The following ZMIZ1 variants were observed in gnomAD, a reference collection of about 807,000 sequenced individuals.
ZMIZ1 encodes the protein zinc finger MIZ-type containing 1, also known as zinc finger MIZ domain-containing protein 1.
A neutral mutation model predicts 113.9 loss-of-function variants in ZMIZ1; 17 were observed. The ratio of observed to expected loss-of-function variants is 0.15; its 90% CI spans 0.10 to 0.22. The LOEUF (loss-of-function observed/expected upper bound fraction) is 0.22. Among genes scored for constraint, ZMIZ1 ranks in the 10% least tolerant of loss-of-function variants. The probability of loss-of-function intolerance (pLI) is 1.00; values close to 1 mark genes in which losing one functional copy is unlikely to be tolerated. For missense variants in ZMIZ1, 1,059 were observed against 1,477.8 expected, an observed-to-expected ratio of 0.72 and a Z score of 4.65; for synonymous variants, 607 against 603.1, an observed-to-expected ratio of 1.01 and a Z score of -0.09.
At chr10:79,309,129 C>G (rs544385494) in intron 23 of ZMIZ1, among the ~76,000 whole-genome samples, 4 of 152,338 alleles carry the variant, frequency 2.6e-5, no homozygotes, top group African/African-American at 9.6e-5. Context: ...GAGCCCAAGG[C>G]TGGGAGGCAC....
At position 79,201,580 on chromosome 10, in the gene ZMIZ1, G is replaced by T. The variant is rs369425699; in HGVS notation, c.-49-4G>T. ...CAGTGACAACCTCTCCTTTCTCTTC[G>T]CAGGCTGGACAACGTTCATGGCTCT... On this transcript the variant is annotated splice_polypyrimidine_tract_variant and splice_region_variant and intron_variant, in intron 4 of 24. Coordinates refer to ENST00000334512, the MANE Select transcript of ZMIZ1 (RefSeq NM_020338.4). 5.6e-6 allele frequency: 9 copies of T among 1,602,760 alleles called. No homozygotes were observed. The highest frequency in any genetic ancestry group is 7.7e-6 in the Non-Finnish European group (9 of 1,172,368).
At chr10:79,077,511 C>A (rs1213802506) in intron 1 of ZMIZ1, among the ~76,000 whole-genome samples, 1 of 151,850 alleles carries the variant, frequency 6.6e-6, no homozygotes, top group African/African-American at 2.4e-5. Context: ...TGGGGTTTTC[C>A]ATCGAAAAAT....
intron 2 of ZMIZ1, among the ~76,000 whole-genome samples, chr10:79,120,629 C>T (rs762276392): frequency 9.2e-5 from 14 of 152,208 alleles, no homozygotes; most frequent in African/African-American, 2.2e-4. Context: ...CGTCCCTGTC[C>T]GCCTCCTATA....
At chr10:79,254,714 C>A (rs1850770385) in intron 7 of ZMIZ1, among the ~76,000 whole-genome samples, 1 of 152,174 alleles carries the variant, frequency 6.6e-6, no homozygotes, top group Non-Finnish European at 1.5e-5. Flanking sequence ...TGAGGCAAAA[C>A]TGAGAAATTT....
chr10:79,134,074 AC>A (rs1404387341), intron 2 of ZMIZ1, among the ~76,000 whole-genome samples: 1 of 152,160 alleles, frequency 6.6e-6, no homozygotes, highest in African/African-American at 2.4e-5. Flanking sequence ...TCCCATTTGT[AC>A]CCCGGACACC....
At chr10:79,096,521 G>GAA (rs1843176141) in intron 1 of ZMIZ1, among the ~76,000 whole-genome samples, 1 of 145,470 alleles carries the variant, frequency 6.9e-6, no homozygotes, top group Non-Finnish European at 1.6e-5. Context: ...CAAAAGAAAA[G>GAA]AAAAGAAAAG....
intron 7 of ZMIZ1, among the ~76,000 whole-genome samples, chr10:79,276,067 C>G (rs1852269493): frequency 6.6e-6 from 1 of 152,218 alleles, no homozygotes; most frequent in Non-Finnish European, 1.5e-5. Flanking sequence ...AGTAGGACAT[C>G]AGCTGAGGTG....
intron 1 of ZMIZ1, among the ~76,000 whole-genome samples, chr10:79,081,539 C>G (rs147252976): frequency 2.1e-3 from 324 of 152,306 alleles, no homozygotes; most frequent in Non-Finnish European, 3.9e-3. Flanking sequence ...TCTTCCTAGC[C>G]TCTTGCAGCA....
intron 7 of ZMIZ1, among the ~76,000 whole-genome samples, chr10:79,245,835 C>T (rs1228932949): frequency 6.6e-6 from 1 of 151,910 alleles, no homozygotes; most frequent in Non-Finnish European, 1.5e-5. Context: ...ATCCTTGGCA[C>T]TAACCACATT....
At chr10:79,073,142 T>C (rs1242872990) in intron 1 of ZMIZ1, among the ~76,000 whole-genome samples, 3 of 152,152 alleles carry the variant, frequency 2.0e-5, no homozygotes, top group Admixed American at 6.5e-5. Flanking sequence ...GGCTGTTGCT[T>C]GCTATCTGTG....
Position 79,314,452 on chromosome 10 carries a change from A to G in ZMIZ1, c.*1703A>G, listed in dbSNP as rs1396473278. 4 of 346,202 alleles carry G rather than the reference A, an allele frequency of 1.2e-5. No individual in the cohort carries two copies. The Admixed American group carries it at 1.2e-4, about 10-fold the overall frequency. 21.4% of individuals were successfully genotyped at this position (346,202 alleles called of 1,614,324 possible). ...CAGACGGCACAAGGTTTTCTGTAGGAAAGCTGCCATTGCCCCGGCCCCTTT... is the reference window on the plus strand; with the variant it reads ...CAGACGGCACAAGGTTTTCTGTAGGGAAGCTGCCATTGCCCCGGCCCCTTT... On this transcript the variant is annotated 3_prime_UTR_variant, in exon 25 of 25. Transcript: ENST00000334512.
At chr10:79,184,126 T>C (rs1282575252) in intron 4 of ZMIZ1, among the ~76,000 whole-genome samples, 3 of 152,202 alleles carry the variant, frequency 2.0e-5, no homozygotes, top group East Asian at 1.9e-4. Flanking sequence ...CTCCGTGGCC[T>C]GTCTTCCTGT....
At chr10:79,140,948 G>A (rs1344772145) in intron 3 of ZMIZ1, among the ~76,000 whole-genome samples, 2 of 151,956 alleles carry the variant, frequency 1.3e-5, no homozygotes. Flanking sequence ...ACGCCCAGCT[G>A]ATTTTTAAAT....
Position 79,216,202 on chromosome 10 carries a change from G to T in ZMIZ1, c.208G>T (p.Asp70Tyr). The T allele has an allele frequency of 6.4e-7, 1 of 1,559,740 alleles. No individual in the cohort carries two copies. Among genetic ancestry groups the T allele is most frequent in the South Asian group, 1.2e-5 (1 of 84,230 alleles). ...TCGGGTGGCAGCCCAGCAAGGCTTT[G>T]ACCTGGACCTCGGCTACAGACTGCT... ...VSRVAAQQGF[D>Y]LDLGYRLLAV... Residue 70 changes from aspartate to tyrosine, a missense_variant, in exon 7 of 25, where the codon GAC (aspartate) becomes TAC (tyrosine). Around this residue, in one of 6 missense-constraint regions of ZMIZ1, gnomAD observed 272 missense variants for 350.4 expected, o/e 0.78. Coordinates refer to ENST00000334512, the MANE Select transcript of ZMIZ1 (RefSeq NM_020338.4).
intron 3 of ZMIZ1, among the ~76,000 whole-genome samples, chr10:79,161,768 C>G (rs1047455126): frequency 2.6e-5 from 4 of 152,224 alleles, no homozygotes; most frequent in Non-Finnish European, 5.9e-5. Context: ...TTTGTCATTG[C>G]ATCTCCCTGG....
intron 8 of ZMIZ1, among the ~76,000 whole-genome samples, chr10:79,285,039 C>G (rs963472179): frequency 1.3e-5 from 2 of 152,162 alleles, no homozygotes; most frequent in Non-Finnish European, 2.9e-5. Flanking sequence ...ATTCTTGTGG[C>G]TTCTAGGTGG....
chr10:79,077,179 TG>T (rs1842501435), intron 1 of ZMIZ1, among the ~76,000 whole-genome samples: 1 of 152,118 alleles, frequency 6.6e-6, no homozygotes, highest in Non-Finnish European at 1.5e-5. Flanking sequence ...GCCTGGACCT[TG>T]CCCTGTCCAC....
At chr10:79,225,802 G>T (rs2132756214) in intron 7 of ZMIZ1, among the ~76,000 whole-genome samples, 1 of 152,302 alleles carries the variant, frequency 6.6e-6, no homozygotes, top group East Asian at 1.9e-4. Context: ...AAGAAGTGCA[G>T]CTCTGAAGGA....
At chr10:79,268,805 C>T (rs969157664) in intron 7 of ZMIZ1, among the ~76,000 whole-genome samples, 1 of 152,230 alleles carries the variant, frequency 6.6e-6, no homozygotes, top group South Asian at 2.1e-4. Context: ...GGAAGAAGTC[C>T]TCTGACCGCG....
Sources: gnomAD v4.1 joint callset for allele counts (sites outside exome capture counted in the v4.1 genomes callset) on GRCh38, gnomAD v4.1.1 for gene constraint, gnomAD v4.1.1 regional missense constraint, MANE v1.5 for transcripts, NCBI Gene and HGNC (gene_info 2026-07-23, HGNC 2026-07-21) for gene names.